The following STXBP5L variants were observed in gnomAD, a reference collection of about 807,000 sequenced individuals.
STXBP5L encodes the protein syntaxin binding protein 5L.
A neutral mutation model predicts 144.5 loss-of-function variants in STXBP5L; 65 were observed. The observed-to-expected ratio is 0.45, with a 90% confidence interval of 0.37 to 0.55. The LOEUF (loss-of-function observed/expected upper bound fraction) is 0.55, where lower values mean the gene tolerates loss of function less well. Among genes scored for constraint, STXBP5L ranks in the 20% least tolerant of loss-of-function variants. STXBP5L has a pLI of 0.00. For missense variants in STXBP5L, 1,298 were observed against 1,405.5 expected (o/e 0.92, Z 1.22); for synonymous variants, 505 against 469.6 (o/e 1.08, Z -0.97).
At chr3:121,413,346 GAA>G (rs2047162474) in intron 24 of STXBP5L, 23 bp downstream of exon 24, 23 of 1,500,766 alleles carry the variant, frequency 1.5e-5, no homozygotes, top group Non-Finnish European at 2.0e-5. Flanking sequence ...TTACATTTAT[GAA>G]AAAGACATTG....
chr3:121,340,665 C>T (rs1279574658), intron 20 of STXBP5L, among the ~76,000 whole-genome samples: 1 of 152,070 alleles, frequency 6.6e-6, no homozygotes, highest in Non-Finnish European at 1.5e-5. Flanking sequence ...ATGAACTCAT[C>T]CTTTTTATGG....
intron 20 of STXBP5L, chr3:121,357,567 C>G (rs1013131327): frequency 4.6e-5 from 7 of 152,288 alleles, no homozygotes; most frequent in Admixed American, 1.3e-4. Flanking sequence ...TTCAATTTGT[C>G]TATGGGAGCT....
At chr3:121,075,483 G>A (rs976453734) in intron 5 of STXBP5L, among the ~76,000 whole-genome samples, 3 of 152,128 alleles carry the variant, frequency 2.0e-5, no homozygotes, top group African/African-American at 7.2e-5. Context: ...CATCTTAGTA[G>A]CCACCTGTAT....
chr3:121,418,432 G>A lies in STXBP5L; in HGVS notation c.3322G>A (p.Val1108Met), dbSNP rs1193428248. The A allele has an allele frequency of 1.2e-6, 2 of 1,614,102 alleles. No individual in the cohort carries two copies. Among genetic ancestry groups the A allele is most frequent in the South Asian group, 1.1e-5 (1 of 91,086 alleles). Residue 1108 changes from valine to methionine, a missense_variant, in exon 26 of 27, where the codon GTG becomes ATG. Transcript: ENST00000471454. The stretch of plus-strand genomic sequence containing the variant: ...AGGGATGAAAGGCGCTGCTGGAGGG[G>A]TGATGGGAGAGCTGACCCGTGCACG... The part of the protein sequence containing the change: ...IEGMKGAAGG[V>M]MGELTRARIA...
At chr3:121,305,768 C>A (rs1461396439) in intron 19 of STXBP5L, among the ~76,000 whole-genome samples, 1 of 151,904 alleles carries the variant, frequency 6.6e-6, no homozygotes, top group Non-Finnish European at 1.5e-5. Flanking sequence ...TTTTATTCAA[C>A]ATTTAGTTCA....
In STXBP5L at chr3:121,215,131, A is replaced by G. The variant is rs140252878; in HGVS notation, c.957-7872A>G. Among the ~76,000 whole-genome samples, 4 of 152,040 alleles carry G rather than the reference A, an allele frequency of 2.6e-5. No homozygotes were observed. The East Asian group carries it at 7.7e-4, about 29-fold the overall frequency. On this transcript the variant is annotated intron_variant, in intron 10 of 26. Transcript: ENST00000471454. ...AAGATGGGTCTCCGTAATACAGCAC[A>G]CTGATGGGTCTTGACTCTTTATCCA...
intron 5 of STXBP5L, among the ~76,000 whole-genome samples, chr3:121,091,679 T>G (rs1384680713): frequency 6.6e-6 from 1 of 152,228 alleles, no homozygotes; most frequent in East Asian, 1.9e-4. Context: ...ATATTAGCCC[T>G]TTGTCAGATG....
chr3:121,027,128 T>C (rs1946007280), intron 3 of STXBP5L, among the ~76,000 whole-genome samples: 5 of 152,016 alleles, frequency 3.3e-5, no homozygotes. Context: ...TATATGTGTA[T>C]GTGTGTTTAT....
intron 3 of STXBP5L, among the ~76,000 whole-genome samples, chr3:120,977,021 G>T (rs528700347): frequency 6.6e-6 from 1 of 152,140 alleles, no homozygotes; most frequent in African/African-American, 2.4e-5. Context: ...TGTATATTCT[G>T]TTGATTTGGG....
rs1024992237 is a variant in STXBP5L, at chr3:121,193,638, A to G, written c.878-12285A>G. Among the ~76,000 whole-genome samples the G allele has an allele frequency of 2.0e-5, 3 of 152,358 alleles. No individual in the cohort carries two copies. In the East Asian group the frequency reaches 5.8e-4, roughly 29 times the overall value. On this transcript the variant is annotated intron_variant, in intron 9 of 26. Transcript: ENST00000471454. ...ACATATACACCATGGAATACTATGC[A>G]GCCATAAAAAAGGATGAGTCCATTT...
chr3:121,057,276 G>A lies in STXBP5L; in HGVS notation c.470+11741G>A, dbSNP rs1262118963. Among the ~76,000 whole-genome samples the A allele has an allele frequency of 2.6e-5, 4 of 151,878 alleles. No individual in the cohort carries two copies. In the East Asian group the frequency reaches 5.8e-4, roughly 22 times the overall value. On this transcript the variant is annotated intron_variant, in intron 5 of 26. Transcript: ENST00000471454. ...AATGTAGCATGTTATACAGTTTTGT[G>A]TCTTGCTTTTTTCCCTCTATAGTAT...
intron 9 of STXBP5L, among the ~76,000 whole-genome samples, chr3:121,199,739 A>C (rs903718123): frequency 5.3e-5 from 8 of 152,240 alleles, no homozygotes; most frequent in African/African-American, 1.9e-4. Flanking sequence ...TATTGAGATA[A>C]TCATGTGGTT....
intron 20 of STXBP5L, among the ~76,000 whole-genome samples, chr3:121,368,666 A>T (rs370612691): frequency 6.6e-6 from 1 of 151,700 alleles, no homozygotes; most frequent in African/African-American, 2.4e-5. Context: ...TTTATTTATT[A>T]ATTTGCTTTA....
chr3:121,163,421 G>A (rs925907760), intron 9 of STXBP5L, among the ~76,000 whole-genome samples: 4 of 151,828 alleles, frequency 2.6e-5, no homozygotes, highest in East Asian at 1.9e-4. Flanking sequence ...AGGGTCTCTC[G>A]GTGGATGGGG....
At chr3:120,978,459 A>G (rs566550011) in intron 3 of STXBP5L, among the ~76,000 whole-genome samples, 1 of 152,190 alleles carries the variant, frequency 6.6e-6, no homozygotes, top group Admixed American at 6.5e-5. Flanking sequence ...AATTTTTTTC[A>G]AGGTTTTTAA....
chr3:120,920,308 T>A (rs1261638294), intron 2 of STXBP5L, among the ~76,000 whole-genome samples: 1 of 148,896 alleles, frequency 6.7e-6, no homozygotes, highest in Admixed American at 6.9e-5. Context: ...CTTACAAATT[T>A]TTTTTTTGAA....
chr3:121,392,913 G>A lies in STXBP5L; in HGVS notation c.2587+11381G>A, dbSNP rs974456463. The stretch of plus-strand genomic sequence containing the variant: ...AACATACACGTGCTTGTGTCTTTTT[G>A]ATATGATTATTTCTTTTCTTTTGTA... On this transcript the variant is annotated intron_variant, in intron 22 of 26. Coordinates refer to ENST00000471454, the MANE Select transcript of STXBP5L (RefSeq NM_001308330.2). Among the ~76,000 whole-genome samples the A allele has an allele frequency of 2.7e-5, 4 of 150,614 alleles. No homozygotes were observed. The Admixed American group carries it at 2.7e-4, about 10-fold the overall frequency.
chr3:121,177,301 A>G (rs1241777149), intron 9 of STXBP5L, among the ~76,000 whole-genome samples: 2 of 152,280 alleles, frequency 1.3e-5, no homozygotes, highest in South Asian at 4.1e-4. Flanking sequence ...AAAGAACACA[A>G]TCAACAATAT....
chr3:120,961,494 A>T (rs936612668), intron 3 of STXBP5L, among the ~76,000 whole-genome samples: 1 of 151,982 alleles, frequency 6.6e-6, no homozygotes, highest in Non-Finnish European at 1.5e-5. Flanking sequence ...TCATTGTTCA[A>T]TTCCCCTCTA....
Sources: gnomAD v4.1 joint callset for allele counts (sites outside exome capture counted in the v4.1 genomes callset) on GRCh38, gnomAD v4.1.1 for gene constraint, MANE v1.5 for transcripts, NCBI Gene and HGNC (gene_info 2026-07-23, HGNC 2026-07-21) for gene names.